Variants in CSNK2A1 observed in about 807,000 individuals in gnomAD.
CSNK2A1 encodes casein kinase II subunit alpha.
Under a neutral mutation model 62.9 loss-of-function variants are expected in CSNK2A1, and 10 were observed. The ratio of observed to expected loss-of-function variants is 0.16; its 90% CI spans 0.10 to 0.27. The LOEUF (loss-of-function observed/expected upper bound fraction) is 0.27. CSNK2A1 is among the 10% of genes least tolerant of loss of function. CSNK2A1 has a pLI of 1.00. For synonymous variants in CSNK2A1, 124 were observed against 167.8 expected, an observed-to-expected ratio of 0.74 and a Z score of 2.02; for missense variants, 160 against 492.0, an observed-to-expected ratio of 0.33 and a Z score of 6.38.
intron 2 of CSNK2A1, among the ~76,000 whole-genome samples, chr20:519,813 C>T (rs1452238861): frequency 2.6e-5 from 4 of 152,194 alleles, no homozygotes; most frequent in Admixed American, 6.5e-5. Flanking sequence ...AATTTACAGA[C>T]AGCTCCAAAC....
chr20:508,159 T>C (rs1009810018), intron 3 of CSNK2A1: 1 of 251,260 alleles, frequency 4.0e-6, no homozygotes, highest in Non-Finnish European at 7.6e-6. Context: ...ATGTGGTCTG[T>C]CATTAATTCA....
chr20:508,312 C>T (rs1600391955), intron 3 of CSNK2A1, 139 bp downstream of exon 3: 2 of 964,516 alleles, frequency 2.1e-6, no homozygotes, highest in East Asian at 2.9e-5. Flanking sequence ...ATTTTCAGCT[C>T]AAAAGAAAAC....
At chr20:505,035 T>C in intron 4 of CSNK2A1, 83 bp downstream of exon 4, 1 of 1,234,150 alleles carries the variant, frequency 8.1e-7, no homozygotes, top group Non-Finnish European at 1.1e-6. Flanking sequence ...AAAAACCTTT[T>C]AAATGCTGTT....
chr20:534,894 C>T (rs1455684305), intron 1 of CSNK2A1, among the ~76,000 whole-genome samples: 1 of 149,494 alleles, frequency 6.7e-6, no homozygotes, highest in African/African-American at 2.5e-5. Context: ...AAAAGCCAGG[C>T]GTGGCAGCGT....
At chr20:538,646 T>C (rs1274255287) in intron 1 of CSNK2A1, among the ~76,000 whole-genome samples, 3 of 152,018 alleles carry the variant, frequency 2.0e-5, no homozygotes, top group Non-Finnish European at 4.4e-5. Flanking sequence ...CTCAACAACC[T>C]CAACAGACAA....
rs1356696090 is a variant in CSNK2A1 at position 479,385 on chromosome 20, GGAA to G, written c.*4573_*4575del. 14 of 152,240 alleles carry G rather than the reference GGAA, an allele frequency of 9.2e-5. No individual in the cohort carries two copies. In the East Asian group the frequency reaches 1.3e-3, roughly 15 times the overall value. 9.4% of individuals were successfully genotyped at this position (152,240 alleles called of 1,614,324 possible). ...AATATTGGGACCTCTGGGGAAGGGA[GGAA>G]GAAGAGGGTATCACCAAAAAAGGGC... is the stretch of plus-strand genomic sequence containing the variant. On this transcript the variant is annotated 3_prime_UTR_variant, in exon 14 of 14. Coordinates refer to ENST00000217244, the MANE Select transcript of CSNK2A1 (RefSeq NM_177559.3).
At chr20:516,401 C>T (rs1042106280) in intron 2 of CSNK2A1, among the ~76,000 whole-genome samples, 5 of 152,080 alleles carry the variant, frequency 3.3e-5, no homozygotes, top group Non-Finnish European at 5.9e-5. Flanking sequence ...GAATTTTTCC[C>T]GACTGAAGTA....
At chr20:512,114 C>T (rs433458) in intron 2 of CSNK2A1, among the ~76,000 whole-genome samples, 47,696 of 151,896 alleles carry the variant, frequency 0.31, 7,921 homozygotes, top group East Asian at 0.58. Flanking sequence ...GTCTTGAGCT[C>T]CTGGCCTCAA....
intron 2 of CSNK2A1, among the ~76,000 whole-genome samples, chr20:526,383 G>A (rs916863050): frequency 1.3e-5 from 2 of 151,946 alleles, no homozygotes; most frequent in African/African-American, 4.8e-5. Flanking sequence ...GGCTGAAGCG[G>A]GAAGACTGCT....
rs956729072 is a variant in CSNK2A1 at position 481,054 on chromosome 20, T to C, written c.*2907A>G. On this transcript the variant is annotated 3_prime_UTR_variant, in exon 14 of 14. Coordinates refer to ENST00000217244, the MANE Select transcript of CSNK2A1 (RefSeq NM_177559.3). Reference sequence around the variant, plus strand: ...AATTCAAAACGTGAAAACGGAGCCATCTATCACACACGGTGTCGGTTGGAG... The same window carrying C: ...AATTCAAAACGTGAAAACGGAGCCACCTATCACACACGGTGTCGGTTGGAG... The C allele has an allele frequency of 1.3e-5, 2 of 152,214 alleles. 1 individual carries two copies. Among genetic ancestry groups the C allele is most frequent in the Admixed American group, 1.3e-4 (2 of 15,280 alleles). 9.4% of individuals were successfully genotyped at this position (152,214 alleles called of 1,614,324 possible).
chr20:533,074 T>A (rs905516695), intron 1 of CSNK2A1, among the ~76,000 whole-genome samples: 7 of 152,310 alleles, frequency 4.6e-5, no homozygotes, highest in African/African-American at 1.7e-4. Context: ...ACTAATGCCA[T>A]ATAAGTAGTA....
At chr20:498,094 A>G in intron 6 of CSNK2A1, 1 of 242,686 alleles carries the variant, frequency 4.1e-6, no homozygotes. Context: ...GTATCTTCAG[A>G]CCTTCTCAAA....
intron 9 of CSNK2A1, among the ~76,000 whole-genome samples, chr20:490,850 A>T (rs1481514383): frequency 6.7e-6 from 1 of 150,010 alleles, no homozygotes; most frequent in Admixed American, 6.7e-5. Context: ...CACTATGCTC[A>T]GCTAATATAC....
chr20:517,203 T>G (rs1041018486), intron 2 of CSNK2A1, among the ~76,000 whole-genome samples: 1 of 152,190 alleles, frequency 6.6e-6, no homozygotes, highest in Non-Finnish European at 1.5e-5. Flanking sequence ...CCATTTCCCT[T>G]TACAAAAGGG....
rs1460666926 is a variant in CSNK2A1, at chr20:482,883, A to G, written c.*1078T>C. On this transcript the variant is annotated 3_prime_UTR_variant, in exon 14 of 14. Coordinates refer to ENST00000217244, the MANE Select transcript of CSNK2A1 (RefSeq NM_177559.3). Reference sequence around the variant, plus strand: ...CAATGGAGATAGTGGCTCTGCTCCTACCTCTCAAGATACATTTACAAGACT... The same window carrying G: ...CAATGGAGATAGTGGCTCTGCTCCTGCCTCTCAAGATACATTTACAAGACT... 1 of 152,486 alleles carries G rather than the reference A, an allele frequency of 6.6e-6. No homozygotes were observed. The highest frequency in any genetic ancestry group is 6.6e-5 in the Admixed American group (1 of 15,260). The allele number at this position is 152,486 out of a possible 1,614,324, so 9.4% of individuals were successfully genotyped here.
chr20:474,681 G>C lies in CSNK2A1; in HGVS notation c.*9280C>G, dbSNP rs897283741. 1 of 152,180 alleles carries C rather than the reference G, an allele frequency of 6.6e-6. No homozygotes were observed. The highest frequency in any genetic ancestry group is 2.4e-5 in the African/African-American group (1 of 41,430). The allele number at this position is 152,180 out of a possible 1,614,324, so 9.4% of individuals were successfully genotyped here. ...TTAGTTCCCCTTATAAATGATGAGA[G>C]TTTAGAGCTTAGACCGCTTGTCCTG... On this transcript the variant is annotated 3_prime_UTR_variant, in exon 14 of 14. Coordinates refer to ENST00000217244, the MANE Select transcript of CSNK2A1 (RefSeq NM_177559.3).
intron 1 of CSNK2A1, chr20:539,067 T>C (rs1180589520): frequency 3.3e-5 from 5 of 152,218 alleles, no homozygotes; most frequent in Non-Finnish European, 7.3e-5. Flanking sequence ...TTATAGAATC[T>C]TTGCTATCTT....
chr20:499,756 CA>C lies in CSNK2A1; in HGVS notation c.315+76del, dbSNP rs1005286922. ...TAATGATGAGGGTTGGGGGAGGGAA[CA>C]AAAAGAGGCCAGTTGTGCTCCAGGT... On this transcript the variant is annotated intron_variant, in intron 5 of 13. Coordinates refer to ENST00000217244, the MANE Select transcript of CSNK2A1 (RefSeq NM_177559.3). This position sits in a 1 kb window ranked among gnomAD's most constrained non-coding sequence, Gnocchi z 4.2. The C allele has an allele frequency of 1.3e-5, 18 of 1,404,132 alleles. No homozygotes were observed. The African/African-American group carries it at 2.6e-4, about 20-fold the overall frequency. The allele number at this position is 1,404,132 out of a possible 1,614,324, so 87.0% of individuals were successfully genotyped here.
chr20:484,694 T>TTG (rs3055006), intron 13 of CSNK2A1, among the ~76,000 whole-genome samples: 5,760 of 147,670 alleles, frequency 0.039, 115 homozygotes, highest in South Asian at 0.061. Context: ...AATCATGTTT[T>TTG]TGTGTGTGTG....
Sources: gnomAD v4.1 joint callset for allele counts (sites outside exome capture counted in the v4.1 genomes callset) on GRCh38, gnomAD v4.1.1 for gene constraint, Gnocchi (gnomAD v3.1) non-coding constraint, MANE v1.5 for transcripts, NCBI Gene and HGNC (gene_info 2026-07-23, HGNC 2026-07-21) for gene names.